The following ILF2 variants were observed in gnomAD, a reference collection of about 807,000 sequenced individuals.
ILF2 encodes interleukin enhancer-binding factor 2.
In ILF2, 9 loss-of-function variants were observed where a neutral mutation model predicts 55.3. That is an observed-to-expected ratio of 0.16 (90% CI 0.10 to 0.28). ILF2 has a LOEUF of 0.28. Ranked by LOEUF, ILF2 falls within the 10% of genes least tolerant of loss-of-function variation. The pLI, the probability that ILF2 is intolerant of heterozygous loss-of-function variation, is 1.00. For synonymous variants in ILF2, 151 were observed against 161.8 expected, an observed-to-expected ratio of 0.93 and a Z score of 0.50; for missense variants, 266 against 474.9, an observed-to-expected ratio of 0.56 and a Z score of 4.09.
chr1:153,670,788 CAGG>C, intron 1 of ILF2, 127 bp downstream of exon 1: 2 of 1,074,496 alleles, frequency 1.9e-6, no homozygotes, highest in Non-Finnish European at 2.9e-6. Flanking sequence ...TATCCTAGAC[CAGG>C]AGTTCTCAGG....
rs1571338659 is a variant in ILF2 at position 153,670,988 on chromosome 1, G to T, written c.-66C>A. ...CCCTTCCTCTGAGTAGCAGACAACT[G>T]AAGAGGCGTCTTGCCGGCGTGTCCC... On this transcript the variant is annotated 5_prime_UTR_variant, in exon 1 of 14. Transcript: ENST00000361891. 1.2e-6 allele frequency: 2 copies of T among 1,601,396 alleles called. No homozygotes were observed. The highest frequency in any genetic ancestry group is 8.6e-7 in the Non-Finnish European group (1 of 1,168,398).
intron 1 of ILF2, 72 bp from the exon 2 acceptor site, chr1:153,670,302 T>G: frequency 6.7e-7 from 1 of 1,501,406 alleles, no homozygotes; most frequent in Non-Finnish European, 9.3e-7. Flanking sequence ...GGTTGGCTAC[T>G]TTCATCCCTC....
intron 1 of ILF2, 102 bp downstream of exon 1, chr1:153,670,816 C>G: frequency 7.1e-7 from 1 of 1,401,552 alleles, no homozygotes; most frequent in Non-Finnish European, 1.0e-6. Context: ...TGGCCAGCCC[C>G]CGGATACATG....
At chr1:153,662,955 C>T (rs1669209111) in intron 12 of ILF2, 64 bp downstream of exon 12, 1 of 1,420,138 alleles carries the variant, frequency 7.0e-7, no homozygotes, top group Admixed American at 1.7e-5. Flanking sequence ...TTCCGCTTTG[C>T]CTGCTGAGCA....
rs1308992154 is a variant in ILF2 at position 153,670,953 on chromosome 1, C to CA, written c.-32dup. ...CTTAAAACACGAACAATGGAGGCCG[C>CA]ACCAACCGCCCCTTCCTCTGAGTAG... On this transcript the variant is annotated 5_prime_UTR_variant, in exon 1 of 14. Transcript: ENST00000361891. 2 of 1,614,088 alleles carry CA rather than the reference C, an allele frequency of 1.2e-6. No homozygotes were observed. Among genetic ancestry groups the CA allele is most frequent in the Admixed American group, 3.3e-5 (2 of 60,008 alleles).
Position 153,670,413 on chromosome 1 carries a change from C to G in ILF2, c.6-183G>C, listed in dbSNP as rs185944578. 4.1e-4 allele frequency among the ~76,000 whole-genome samples: 63 copies of G among 152,264 alleles called. No individual in the cohort carries two copies. In the East Asian group the frequency reaches 0.012, roughly 29 times the overall value. On this transcript the variant is annotated intron_variant, in intron 1 of 13. Coordinates refer to ENST00000361891, the MANE Select transcript of ILF2 (RefSeq NM_004515.4). ...CCCCCATAACCTCCTCTAAGTTAAT[C>G]CAACCCCCATCAAGTAATGATGGGG... is the stretch of plus-strand genomic sequence containing the variant.
chr1:153,668,123 C>T, intron 4 of ILF2, 46 bp from the exon 5 acceptor site: 2 of 1,382,702 alleles, frequency 1.4e-6, no homozygotes, highest in East Asian at 2.3e-5. Flanking sequence ...AAATTATAAG[C>T]AATTTCTCAG....
intron 3 of ILF2, 98 bp downstream of exon 3, chr1:153,669,738 G>T: frequency 9.9e-7 from 1 of 1,007,898 alleles, no homozygotes; most frequent in East Asian, 2.4e-5. Flanking sequence ...CACTGTGTCT[G>T]CCCTCTTCAA....
chr1:153,669,746 C>A, intron 3 of ILF2, 90 bp downstream of exon 3: 1 of 1,128,482 alleles, frequency 8.9e-7, no homozygotes, highest in Non-Finnish European at 1.4e-6. Context: ...CTGCCCTCTT[C>A]AACCACCATC....
chr1:153,664,063 G>C lies in ILF2; in HGVS notation c.724C>G (p.Pro242Ala), dbSNP rs369026411. The C allele has an allele frequency of 5.0e-6, 8 of 1,612,654 alleles. 1 individual carries two copies. Among genetic ancestry groups the C allele is most frequent in the African/African-American group, 4.0e-5 (3 of 74,850 alleles). Residue 242 changes from proline (P) to alanine (A), a missense_variant, in exon 10 of 14, where the codon CCC (proline) becomes GCC (alanine). Pro to Ala is a conservative substitution (Grantham distance 27, BLOSUM62 -1). Coordinates refer to ENST00000361891, the MANE Select transcript of ILF2 (RefSeq NM_004515.4). Reference protein sequence around the residue: ...IRFPGFEPLTPWILDLLGHYA... With the variant: ...IRFPGFEPLTAWILDLLGHYA... ...CTTACTAGTAGGTCAAGGATCCAGG[G>C]TGTGAGGGGCTCAAAGCCAGGAAAA...
chr1:153,664,558 T>C, intron 8 of ILF2, 84 bp from the exon 9 acceptor site: 4 of 1,089,080 alleles, frequency 3.7e-6, no homozygotes, highest in South Asian at 1.2e-5. Flanking sequence ...CTTAAAAACT[T>C]GGAAGGAGGG....
chr1:153,662,621 G>A, intron 13 of ILF2, 65 bp from the exon 14 acceptor site: 1 of 1,571,026 alleles, frequency 6.4e-7, no homozygotes, highest in South Asian at 1.1e-5. Context: ...TTACACTGTG[G>A]AAATATTAAA....
rs1194849295 is a variant in ILF2 at position 153,664,045 on chromosome 1, G to A, written c.742C>T (p.Leu248=). 1 of 1,602,706 alleles carries A rather than the reference G, an allele frequency of 6.2e-7. No homozygotes were observed. The highest frequency in any genetic ancestry group is 8.5e-7 in the Non-Finnish European group (1 of 1,170,532). The change falls in exon 10 of 14, where the codon CTA becomes TTA. Residue 248 remains leucine, a splice_region_variant and synonymous_variant. Coordinates refer to ENST00000361891, the MANE Select transcript of ILF2 (RefSeq NM_004515.4). The part of the protein sequence containing the change: ...EPLTPWILDL[L]GHYAVMNNPT... ...TCCAATTGCCCATCTTTACTTACTA[G>A]TAGGTCAAGGATCCAGGGTGTGAGG...
intron 1 of ILF2, among the ~76,000 whole-genome samples, chr1:153,670,658 G>A (rs886796571): frequency 6.6e-6 from 1 of 151,942 alleles, no homozygotes; most frequent in East Asian, 1.9e-4. Context: ...GGGGCTTGAG[G>A]ACACCCCCTC....
intron 6 of ILF2, 102 bp from the exon 7 acceptor site, chr1:153,665,830 G>A (rs1271920843): frequency 1.2e-6 from 1 of 856,952 alleles, no homozygotes; most frequent in Non-Finnish European, 1.9e-6. Context: ...CCATATCCAA[G>A]GCTGAAGCAA....
chr1:153,667,913 A>G (rs1030229946), intron 5 of ILF2, 87 bp downstream of exon 5: 2 of 952,046 alleles, frequency 2.1e-6, no homozygotes, highest in Admixed American at 4.5e-5. Context: ...TGGATAATAG[A>G]CAACTGAAAA....
At chr1:153,665,862 CT>C in intron 6 of ILF2, 134 bp from the exon 7 acceptor site, 1 of 675,164 alleles carries the variant, frequency 1.5e-6, no homozygotes, top group Non-Finnish European at 2.5e-6. Flanking sequence ...AGAATATATA[CT>C]TTTATAAGAG....
chr1:153,665,801 T>C (rs906049490), intron 6 of ILF2, 73 bp from the exon 7 acceptor site: 11 of 1,114,236 alleles, frequency 9.9e-6, no homozygotes, highest in African/African-American at 1.6e-5. Flanking sequence ...CTAAGCTACT[T>C]TGCACTCTCA....
Position 153,662,276 on chromosome 1 carries a change from T to G in ILF2, c.*120A>C. 7.8e-7 allele frequency: 1 copy of G among 1,277,636 alleles called. No individual in the cohort carries two copies. Among genetic ancestry groups the G allele is most frequent in the Admixed American group, 2.1e-5 (1 of 46,944 alleles). 79.1% of individuals were successfully genotyped at this position (1,277,636 alleles called of 1,614,324 possible). A position where few individuals can be genotyped will look rare whatever the true frequency, so the allele number is the denominator to read the frequency against. On this transcript the variant is annotated 3_prime_UTR_variant, in exon 14 of 14. Transcript: ENST00000361891. ...AGTGGAATGACACTTCTATGGAGTT[T>G]ACTTTTCTTCCTGCTATCTTCCCTA...
Sources: gnomAD v4.1 joint callset for allele counts (sites outside exome capture counted in the v4.1 genomes callset) on GRCh38, gnomAD v4.1.1 for gene constraint, MANE v1.5 for transcripts, NCBI Gene and HGNC (gene_info 2026-07-23, HGNC 2026-07-21) for gene names.